The following HSPG2 variants were observed in gnomAD, a reference collection of about 807,000 sequenced individuals.
HSPG2 encodes basement membrane-specific heparan sulfate proteoglycan core protein.
In HSPG2, 278 loss-of-function variants were observed where a neutral mutation model predicts 526.6. That is an observed-to-expected ratio of 0.53 (90% confidence interval 0.48 to 0.58). The LOEUF is 0.58. Among genes scored for constraint, HSPG2 ranks in the 20% least tolerant of loss-of-function variants. The pLI, the probability that HSPG2 is intolerant of heterozygous loss-of-function variation, is 0.00. For synonymous variants in HSPG2, 2,465 were observed against 2,555.4 expected, an observed-to-expected ratio of 0.96 and a Z score of 1.07; for missense variants, 5,354 against 6,099.5, an observed-to-expected ratio of 0.88 and a Z score of 4.07.
rs1424150052 is a variant in HSPG2, at chr1:21,880,553, A to G, written c.2005T>C (p.Trp669Arg). The G allele has an allele frequency of 6.2e-7, 1 of 1,613,440 alleles. No homozygotes were observed. The highest frequency in any genetic ancestry group is 8.5e-7 in the Non-Finnish European group (1 of 1,179,926). Reference protein sequence around the residue: ...QRQVQFSEEHWVHESGRPVQR... With the variant: ...QRQVQFSEEHRVHESGRPVQR... ...ACCGGCCGGCCAGACTCATGGACCCAGTGCTCCTGGGTATGGGTGAAGGTG... is the reference window on the plus strand; with the variant it reads ...ACCGGCCGGCCAGACTCATGGACCCGGTGCTCCTGGGTATGGGTGAAGGTG... Residue 669 changes from tryptophan (W) to arginine (R), a missense_variant, in exon 16 of 97, where the codon TGG becomes CGG. Trp to Arg is a moderately radical substitution (Grantham distance 101). Coordinates refer to ENST00000374695, the MANE Select transcript of HSPG2 (RefSeq NM_005529.7).
chr1:21,873,801 C>G (rs974202654), intron 29 of HSPG2, 124 bp downstream of exon 29: 47 of 786,378 alleles, frequency 6.0e-5, no homozygotes, highest in Non-Finnish European at 9.1e-5. Context: ...CTTCTGGGGC[C>G]TGTGCGAGGT....
At chr1:21,829,723 G>A (rs2097993856) in intron 86 of HSPG2, 119 bp from the exon 87 acceptor site, 1 of 919,100 alleles carries the variant, frequency 1.1e-6, no homozygotes, top group African/African-American at 1.7e-5. Context: ...AGAGGCTCAG[G>A]ACCAGTTGGC....
At chr1:21,920,690 C>G (rs1424897015) in intron 1 of HSPG2, among the ~76,000 whole-genome samples, 1 of 152,230 alleles carries the variant, frequency 6.6e-6, no homozygotes, top group African/African-American at 2.4e-5. Context: ...AGCCCCTGCT[C>G]TCCGGGGCTC....
intron 13 of HSPG2, among the ~76,000 whole-genome samples, chr1:21,882,932 G>A (rs370834539): frequency 3.9e-5 from 6 of 152,210 alleles, no homozygotes; most frequent in African/African-American, 1.4e-4. Flanking sequence ...GCACAGCCCC[G>A]GGTCTAGGTT....
chr1:21,916,981 G>T (rs558515592), intron 1 of HSPG2, among the ~76,000 whole-genome samples: 3 of 152,240 alleles, frequency 2.0e-5, no homozygotes, highest in Non-Finnish European at 4.4e-5. Context: ...AACGGCTAAC[G>T]GAAATCGAAC....
intron 1 of HSPG2, among the ~76,000 whole-genome samples, chr1:21,932,343 T>A (rs958906969): frequency 6.6e-6 from 1 of 152,140 alleles, no homozygotes. Context: ...CATCTCTGAG[T>A]GTGTGGATAT....
rs1642050568 is a variant in HSPG2 at position 21,887,877 on chromosome 1, G to C, written c.703+61C>G. The stretch of plus-strand genomic sequence containing the variant: ...GTCCTTGATGGGCTCCAAGACCCAG[G>C]TGTAGGACCCTGGCCCTCCCCTGGC... On this transcript the variant is annotated intron_variant, in intron 7 of 96. Coordinates refer to ENST00000374695, the MANE Select transcript of HSPG2 (RefSeq NM_005529.7). The surrounding 1 kb of genome is among the most constrained non-coding windows in gnomAD (Gnocchi z 5.0). 6 of 1,611,542 alleles carry C rather than the reference G, an allele frequency of 3.7e-6. No homozygotes were observed. The highest frequency in any genetic ancestry group is 3.3e-5 in the Admixed American group (2 of 59,978).
intron 1 of HSPG2, among the ~76,000 whole-genome samples, chr1:21,935,732 G>A (rs12081298): frequency 0.12 from 18,513 of 152,226 alleles, 1,153 homozygotes; most frequent in East Asian, 0.22. Context: ...GTTGGGCCTC[G>A]GAAAACATCC....
chr1:21,860,226 T>C lies in HSPG2; in HGVS notation c.4965A>G (p.Pro1655=), dbSNP rs1160187920. Reference sequence around the variant, plus strand: ...GCACACTGGGGTTACCCACGTAACCTGGGCCACACCTGTAAGGGGGAACAA... The same window carrying C: ...GCACACTGGGGTTACCCACGTAACCCGGGCCACACCTGTAAGGGGGAACAA... The part of the protein sequence containing the change: ...YTGQYCEQCG[P]GYVGNPSVQG... The change falls in exon 40 of 97, where the codon CCA becomes CCG. Residue 1655 remains proline (P), a synonymous_variant. Transcript: ENST00000374695. 1 of 1,613,416 alleles carries C rather than the reference T, an allele frequency of 6.2e-7. No individual in the cohort carries two copies. The highest frequency in any genetic ancestry group is 1.3e-5 in the African/African-American group (1 of 74,936).
chr1:21,933,412 A>C (rs1457763972), intron 1 of HSPG2, among the ~76,000 whole-genome samples: 3 of 152,022 alleles, frequency 2.0e-5, no homozygotes, highest in Non-Finnish European at 2.9e-5. Context: ...TTCACTGAGA[A>C]ACTCAGAGCA....
rs2097965698 is a variant in HSPG2, at chr1:21,824,910, C to A, written c.12590-131G>T. On this transcript the variant is annotated intron_variant, in intron 91 of 96. Coordinates refer to ENST00000374695, the MANE Select transcript of HSPG2 (RefSeq NM_005529.7). This position sits in a 1 kb window ranked among gnomAD's most constrained non-coding sequence, Gnocchi z 5.9. ...CTCCGAGCCTGCAGTCCCTGGGGAC[C>A]CACGGGGGCTGCCAACAGAATTCAG... The A allele has an allele frequency of 2.4e-6, 2 of 817,476 alleles. No homozygotes were observed. Among genetic ancestry groups the A allele is most frequent in the Middle Eastern group, 3.2e-4 (1 of 3,126 alleles). The allele number at this position is 817,476 out of a possible 1,614,324, so 50.6% of individuals were successfully genotyped here.
In HSPG2 at chr1:21,841,680, G is replaced by A. The variant is rs544980536; in HGVS notation, c.9194-7C>T. ...GGACTGATGTGGACGTTGTCTGTGA[G>A]GTTGCATGGGGGAGGGTGAGAGAGG... On this transcript the variant is annotated splice_region_variant and splice_polypyrimidine_tract_variant and intron_variant, in intron 69 of 96. Transcript: ENST00000374695. The A allele has an allele frequency of 5.6e-6, 9 of 1,614,098 alleles. No homozygotes were observed. In the East Asian group the frequency reaches 1.6e-4, roughly 28 times the overall value.
At chr1:21,908,406 T>C (rs901098428) in intron 1 of HSPG2, 19 of 988,056 alleles carry the variant, frequency 1.9e-5, no homozygotes, top group East Asian at 1.7e-4. Flanking sequence ...AGAGCCGAGA[T>C]AGCTTCCTGA....
In HSPG2 at chr1:21,851,543, TA is replaced by T; in HGVS notation, c.7158+2del. ...TTGGCCTGTCTGTCCTCCAGTCCCA[TA>T]CCTGGTGCCGGACAGGGAGGCTGCC... On this transcript the variant is annotated splice_donor_variant, in intron 55 of 96. Coordinates refer to ENST00000374695, the MANE Select transcript of HSPG2 (RefSeq NM_005529.7). LOFTEE classifies it high-confidence loss of function. 2 of 1,613,816 alleles carry T rather than the reference TA, an allele frequency of 1.2e-6. No individual in the cohort carries two copies. Among genetic ancestry groups the T allele is most frequent in the Non-Finnish European group, 1.7e-6 (2 of 1,180,034 alleles).
intron 13 of HSPG2, among the ~76,000 whole-genome samples, chr1:21,882,287 A>C (rs1306646441): frequency 6.6e-6 from 1 of 152,208 alleles, no homozygotes; most frequent in Non-Finnish European, 1.5e-5. Flanking sequence ...GATGGTGCTT[A>C]AAGTAGCCTG....
intron 33 of HSPG2, among the ~76,000 whole-genome samples, chr1:21,866,862 C>A (rs147717441): frequency 2.0e-3 from 298 of 152,302 alleles, no homozygotes; most frequent in African/African-American, 6.7e-3. Flanking sequence ...ATTACACACA[C>A]GGCCCTGGGC....
intron 64 of HSPG2, 121 bp downstream of exon 64, chr1:21,845,986 TG>T: frequency 8.0e-7 from 1 of 1,244,692 alleles, no homozygotes. Flanking sequence ...AGGTGAAGTC[TG>T]GAATCAGAGC....
chr1:21,937,172 G>A lies in HSPG2; in HGVS notation c.46C>T (p.His16Tyr), dbSNP rs1644512344. The A allele has an allele frequency of 6.5e-6, 7 of 1,074,500 alleles. No individual in the cohort carries two copies. The highest frequency in any genetic ancestry group is 8.0e-6 in the Non-Finnish European group (7 of 876,194). The allele number at this position is 1,074,500 out of a possible 1,614,324, so 66.6% of individuals were successfully genotyped here. The change falls in exon 1 of 97, where the codon CAC (histidine) becomes TAC (tyrosine). Residue 16 changes from histidine (H) to tyrosine (Y), a missense_variant. His to Tyr is a moderately conservative substitution (Grantham distance 83). Coordinates refer to ENST00000374695, the MANE Select transcript of HSPG2 (RefSeq NM_005529.7). ...ACACTCACCGCCAGCAGCCGCCCGTGCAGCAGCAGCGCCAGCAGCAGCGCG... is the reference window on the plus strand; with the variant it reads ...ACACTCACCGCCAGCAGCCGCCCGTACAGCAGCAGCGCCAGCAGCAGCGCG... ...AGALLLALLL[H>Y]GRLLAVTHGL...
In HSPG2 at chr1:21,937,258, C is replaced by A; in HGVS notation, c.-41G>T. On this transcript the variant is annotated 5_prime_UTR_variant, in exon 1 of 97. Transcript: ENST00000374695. ...GCTCTCTCGCTCGCTCGCTCCGCGC[C>A]GCCCGCTCCGCGCCGCCCGCAGCCG... The A allele has an allele frequency of 2.2e-5, 18 of 821,496 alleles. No individual in the cohort carries two copies. Among genetic ancestry groups the A allele is most frequent in the Non-Finnish European group, 2.6e-5 (18 of 682,440 alleles). The allele number at this position is 821,496 out of a possible 1,614,324, so 50.9% of individuals were successfully genotyped here.
Sources: allele counts gnomAD v4.1 joint callset (sites outside exome capture counted in the v4.1 genomes callset), GRCh38; gene constraint gnomAD v4.1.1; non-coding constraint Gnocchi (gnomAD v3.1); transcripts MANE v1.5; gene names NCBI Gene and HGNC (gene_info 2026-07-23, HGNC 2026-07-21).